EHBP1: variants seen among roughly 807,000 people sequenced by gnomAD.
EHBP1 encodes EH domain binding protein 1, also known as EH domain-binding protein 1.
A neutral mutation model predicts 144.0 loss-of-function variants in EHBP1; 55 were observed. The ratio of observed to expected loss-of-function variants is 0.38; its 90% confidence interval spans 0.31 to 0.48. EHBP1 has a LOEUF of 0.48. EHBP1 is among the 20% of genes least tolerant of loss of function. The pLI, the probability that EHBP1 is intolerant of heterozygous loss-of-function variation, is 0.98. For synonymous variants in EHBP1, 469 were observed against 472.7 expected, an observed-to-expected ratio of 0.99 and a Z score of 0.10; for missense variants, 1,200 against 1,364.2, an observed-to-expected ratio of 0.88 and a Z score of 1.90.
At chr2:62,876,166 C>G (rs2050873485) in intron 10 of EHBP1, among the ~76,000 whole-genome samples, 1 of 152,064 alleles carries the variant, frequency 6.6e-6, no homozygotes, top group Non-Finnish European at 1.5e-5. Context: ...ATGACCATCC[C>G]TAAGTCATAT....
At chr2:63,019,939 A>G (rs1292247533) in intron 19 of EHBP1, among the ~76,000 whole-genome samples, 3 of 151,572 alleles carry the variant, frequency 2.0e-5, no homozygotes, top group Non-Finnish European at 4.4e-5. Flanking sequence ...CTGTAATTCT[A>G]GCACTTTGGG....
At chr2:62,737,442 A>T (rs1382418724) in intron 2 of EHBP1, among the ~76,000 whole-genome samples, 2 of 151,950 alleles carry the variant, frequency 1.3e-5, no homozygotes, top group African/African-American at 4.8e-5. Context: ...ATTACAGTTC[A>T]GCTTTCCCTA....
At chr2:62,987,771 G>C (rs530076588) in intron 15 of EHBP1, among the ~76,000 whole-genome samples, 2 of 152,238 alleles carry the variant, frequency 1.3e-5, no homozygotes, top group South Asian at 4.1e-4. Context: ...TAATCCAATA[G>C]TGAAAGAGTG....
At chr2:62,794,249 G>A (rs188809108) in intron 5 of EHBP1, among the ~76,000 whole-genome samples, 1 of 152,082 alleles carries the variant, frequency 6.6e-6, no homozygotes, top group Admixed American at 6.5e-5. Context: ...GTCACAATAT[G>A]GTTAAATTAT....
rs748262301 is a variant in EHBP1 at position 62,808,053 on chromosome 2, T to TA, written c.313-18020dup. Among the ~76,000 whole-genome samples, 664 of 137,832 alleles carry TA rather than the reference T, an allele frequency of 4.8e-3. 3 individuals are homozygous for TA. The highest frequency in any genetic ancestry group is 0.013 in the African/African-American group (504 of 37,572). The allele number at this position is 137,832 out of a possible 152,430, so 90.4% of individuals were successfully genotyped here. A position where few individuals can be genotyped will look rare whatever the true frequency, so the allele number is the denominator to read the frequency against. Reference sequence around the variant, plus strand: ...GGCCGACAAAGTGAGACCCTATCTCTAAAAAAAAAAAAAAGAAAGAAAAGT... The same window carrying TA: ...GGCCGACAAAGTGAGACCCTATCTCTAAAAAAAAAAAAAAAGAAAGAAAAGT... On this transcript the variant is annotated intron_variant, in intron 5 of 22. Coordinates refer to ENST00000431489, the MANE Select transcript of EHBP1 (RefSeq NM_001142616.3).
chr2:62,773,229 C>T (rs2041803034), intron 5 of EHBP1, among the ~76,000 whole-genome samples: 1 of 151,976 alleles, frequency 6.6e-6, no homozygotes, highest in African/African-American at 2.4e-5. Context: ...TCTCCCTCTT[C>T]AGTTTTCAGG....
At chr2:62,986,246 T>G (rs1184828185) in intron 15 of EHBP1, among the ~76,000 whole-genome samples, 3 of 152,188 alleles carry the variant, frequency 2.0e-5, no homozygotes. Context: ...GATGCCCACT[T>G]CTGTGAAATG....
At position 63,027,866 on chromosome 2, in the gene EHBP1, C is replaced by T. The variant is rs188905085; in HGVS notation, c.3104-9669C>T. Among the ~76,000 whole-genome samples, 14 of 152,128 alleles carry T rather than the reference C, an allele frequency of 9.2e-5. No homozygotes were observed. The East Asian group carries it at 1.2e-3, about 13-fold the overall frequency. On this transcript the variant is annotated intron_variant, in intron 19 of 22. Coordinates refer to ENST00000431489, the MANE Select transcript of EHBP1 (RefSeq NM_001142616.3). ...GGTGAAAGGATACAAAATTTCAGTTCGATAGGAGGAATACGTTCACCAAAT... is the reference window on the plus strand; with the variant it reads ...GGTGAAAGGATACAAAATTTCAGTTTGATAGGAGGAATACGTTCACCAAAT...
At position 62,956,037 on chromosome 2, in the gene EHBP1, A is replaced by C. The variant is rs1262672277; in HGVS notation, c.2460+377A>C. 7.1e-5 allele frequency: 11 copies of C among 155,370 alleles called. No homozygotes were observed. The South Asian group carries it at 1.8e-3, about 26-fold the overall frequency. 9.6% of individuals were successfully genotyped at this position (155,370 alleles called of 1,614,324 possible). A position where few individuals can be genotyped will look rare whatever the true frequency, so the allele number is the denominator to read the frequency against. On this transcript the variant is annotated intron_variant, in intron 14 of 22. Coordinates refer to ENST00000431489, the MANE Select transcript of EHBP1 (RefSeq NM_001142616.3). ...GATGTCTATTATTTATTGAATACCT[A>C]CTAAGTATTTCAGGAACAATAATTT...
At chr2:62,725,880 T>C (rs1375416368) in intron 2 of EHBP1, among the ~76,000 whole-genome samples, 1 of 152,116 alleles carries the variant, frequency 6.6e-6, no homozygotes, top group East Asian at 1.9e-4. Context: ...CTATGAGAGC[T>C]GCCCTGCTGG....
intron 15 of EHBP1, among the ~76,000 whole-genome samples, chr2:62,988,749 T>C (rs2059296430): frequency 6.6e-6 from 1 of 152,126 alleles, no homozygotes; most frequent in African/African-American, 2.4e-5. Context: ...TAAATGCTTG[T>C]TGAGTTGAAT....
chr2:62,905,673 A>ATTTATGGAG (rs2053748617), intron 10 of EHBP1, among the ~76,000 whole-genome samples: 1 of 151,896 alleles, frequency 6.6e-6, no homozygotes, highest in African/African-American at 2.4e-5. Context: ...AAAATACAAA[A>ATTTATGGAG]ATTAGCCAGG....
intron 3 of EHBP1, among the ~76,000 whole-genome samples, chr2:62,762,042 A>T (rs560393585): frequency 8.5e-5 from 13 of 152,162 alleles, no homozygotes. Flanking sequence ...GGCTCAAGCT[A>T]TCCTCCCACC....
At chr2:63,019,365 GGT>G (rs757853796) in intron 19 of EHBP1, among the ~76,000 whole-genome samples, 2 of 152,108 alleles carry the variant, frequency 1.3e-5, no homozygotes, top group Non-Finnish European at 2.9e-5. Context: ...CTAGAATCTG[GGT>G]GTTCTTAGAC....
chr2:62,691,356 T>C (rs1352282246), intron 1 of EHBP1, among the ~76,000 whole-genome samples: 1 of 152,182 alleles, frequency 6.6e-6, no homozygotes. Flanking sequence ...GCTAAAGCTC[T>C]AGCCAACCCA....
chr2:62,806,856 G>A (rs548195175), intron 5 of EHBP1, among the ~76,000 whole-genome samples: 11 of 151,986 alleles, frequency 7.2e-5, no homozygotes, highest in South Asian at 6.2e-4. Flanking sequence ...TTATAATAAC[G>A]CAGTAATCCT....
intron 10 of EHBP1, among the ~76,000 whole-genome samples, chr2:62,901,158 A>C (rs2053379743): frequency 6.6e-6 from 1 of 152,152 alleles, no homozygotes; most frequent in Non-Finnish European, 1.5e-5. Context: ...CTTGGACATA[A>C]GATGTGTGAG....
At chr2:62,770,592 A>T (rs559573158) in intron 4 of EHBP1, among the ~76,000 whole-genome samples, 1 of 152,348 alleles carries the variant, frequency 6.6e-6, no homozygotes, top group East Asian at 1.9e-4. Flanking sequence ...TGTGAAAAGC[A>T]GTATGGCAAT....
intron 1 of EHBP1, among the ~76,000 whole-genome samples, chr2:62,700,017 C>T (rs907511190): frequency 6.6e-6 from 1 of 152,182 alleles, no homozygotes; most frequent in Non-Finnish European, 1.5e-5. Context: ...TGCAAAGCTT[C>T]ATTATGACTA....
Sources: gnomAD v4.1 joint callset for allele counts (sites outside exome capture counted in the v4.1 genomes callset) on GRCh38, gnomAD v4.1.1 for gene constraint, MANE v1.5 for transcripts, NCBI Gene and HGNC (gene_info 2026-07-23, HGNC 2026-07-21) for gene names.